Variants in SP3 observed in about 807,000 individuals in gnomAD.
SP3 encodes the protein Sp3 transcription factor.
A neutral mutation model predicts 70.3 loss-of-function variants in SP3; 10 were observed. The ratio of observed to expected loss-of-function variants is 0.14; its 90% CI spans 0.09 to 0.24. The LOEUF (loss-of-function observed/expected upper bound fraction) is 0.24, where lower values mean the gene tolerates loss of function less well. Among genes scored for constraint, SP3 ranks in the 10% least tolerant of loss-of-function variants. The probability of loss-of-function intolerance (pLI) is 1.00; values close to 1 mark genes in which losing one functional copy is unlikely to be tolerated. For synonymous variants in SP3, 402 were observed against 333.5 expected (o/e 1.21, Z -2.24); for missense variants, 825 against 914.6 (o/e 0.90, Z 1.26).
intron 4 of SP3, among the ~76,000 whole-genome samples, 200 bp downstream of exon 4, chr2:173,954,673 C>CATAATAGAAA (rs1690820930): frequency 6.6e-6 from 1 of 151,974 alleles, no homozygotes; most frequent in Non-Finnish European, 1.5e-5. Flanking sequence ...AACATGAATC[C>CATAATAGAAA]CTAACTTCAA....
chr2:173,942,081 T>C lies in SP3; in HGVS notation c.1639+12792A>G, dbSNP rs1310214056. Among the ~76,000 whole-genome samples, 3 of 152,238 alleles carry C rather than the reference T, an allele frequency of 2.0e-5. No homozygotes were observed. In the East Asian group the frequency reaches 5.8e-4, roughly 29 times the overall value. ...ATATGATTTCCCAAGTTCTTCTCTA[T>C]GTATATTCTTTCTCTACTAAGTTAG... On this transcript the variant is annotated intron_variant, in intron 4 of 6. Coordinates refer to ENST00000310015, the MANE Select transcript of SP3 (RefSeq NM_003111.5).
intron 1 of SP3, chr2:173,964,845 TCTCA>T (rs1691240944): frequency 2.1e-6 from 1 of 476,952 alleles, no homozygotes; most frequent in Non-Finnish European, 3.7e-6. Flanking sequence ...CGCCGCTCGC[TCTCA>T]CTCGCGCTCG....
intron 5 of SP3, chr2:173,916,076 T>G (rs1426104834): frequency 6.6e-6 from 1 of 152,090 alleles, no homozygotes; most frequent in East Asian, 1.9e-4. Context: ...TATGTTATGC[T>G]TCTATCAATT....
rs868149607 is a variant in SP3, at chr2:173,907,984, A to T, written c.*1957T>A. ...ACTGGGCCTGGAAAACAGAAAATGG[A>T]CATCTTTACCCCCACTGTATACATG... On this transcript the variant is annotated 3_prime_UTR_variant, in exon 7 of 7. Transcript: ENST00000310015. 16 of 152,218 alleles carry T rather than the reference A, an allele frequency of 1.1e-4. No homozygotes were observed. The highest frequency in any genetic ancestry group is 3.6e-4 in the African/African-American group (15 of 41,558). 9.4% of individuals were successfully genotyped at this position (152,218 alleles called of 1,614,324 possible). A position where few individuals can be genotyped will look rare whatever the true frequency, so the allele number is the denominator to read the frequency against.
chr2:173,964,258 G>A (rs2105510117), intron 2 of SP3, 147 bp downstream of exon 2: 1 of 510,952 alleles, frequency 2.0e-6, no homozygotes, highest in East Asian at 3.6e-5. Context: ...TGGCGCCTCG[G>A]GCGGGCAGCT....
chr2:173,956,611 T>G (rs891454962), intron 3 of SP3, among the ~76,000 whole-genome samples: 6 of 152,188 alleles, frequency 3.9e-5, no homozygotes, highest in Admixed American at 6.5e-5. Context: ...ATAAGCATAG[T>G]GTATTAAGTC....
rs972859013 is a variant in SP3, at chr2:173,913,607, C to T, written c.1833-341G>A. ...CCATTCACAAATTCTACGCATAAGC[C>T]TGATCCACTTAATTATATAGGAAAC... is the stretch of plus-strand genomic sequence containing the variant. On this transcript the variant is annotated intron_variant, in intron 5 of 6. Transcript: ENST00000310015. The T allele has an allele frequency of 2.5e-5, 4 of 159,348 alleles. No individual in the cohort carries two copies. The Admixed American group carries it at 2.6e-4, about 10-fold the overall frequency. 9.9% of individuals were successfully genotyped at this position (159,348 alleles called of 1,614,324 possible).
intron 4 of SP3, among the ~76,000 whole-genome samples, chr2:173,953,073 TAA>T (rs1267251344): frequency 6.6e-6 from 1 of 152,252 alleles, no homozygotes; most frequent in African/African-American, 2.4e-5. Flanking sequence ...TATTATTTTT[TAA>T]AAGACATGCA....
At chr2:173,924,788 G>A (rs1689862252) in intron 4 of SP3, among the ~76,000 whole-genome samples, 1 of 152,192 alleles carries the variant, frequency 6.6e-6, no homozygotes, top group Admixed American at 6.5e-5. Context: ...TAGCTTCCCT[G>A]TATATAAATA....
rs1405623609 is a variant in SP3, at chr2:173,906,362, G to C, written c.*3579C>G. The C allele has an allele frequency of 6.6e-6, 1 of 152,110 alleles. No individual in the cohort carries two copies. Among genetic ancestry groups the C allele is most frequent in the Non-Finnish European group, 1.5e-5 (1 of 68,016 alleles). 9.4% of individuals were successfully genotyped at this position (152,110 alleles called of 1,614,324 possible). A position where few individuals can be genotyped will look rare whatever the true frequency, so the allele number is the denominator to read the frequency against. ...TCAACACTAAATAAAATTATGAGGT[G>C]ATTTCACAAAAATATCAAATTTGTA... On this transcript the variant is annotated 3_prime_UTR_variant, in exon 7 of 7. Transcript: ENST00000310015.
chr2:173,938,459 C>CAAAAAAAAAAAAAAAAAA (rs747595137), intron 4 of SP3, among the ~76,000 whole-genome samples: 2 of 46,384 alleles, frequency 4.3e-5, no homozygotes, highest in African/African-American at 1.6e-4. Context: ...AACTTTGCCT[C>CAAAAAAAAAAAAAAAAAA]AAAAAAAAAA....
At chr2:173,964,083 C>A (rs1311097815) in intron 2 of SP3, 200 bp from the exon 3 acceptor site, 2 of 342,770 alleles carry the variant, frequency 5.8e-6, no homozygotes. Context: ...GCTCCAAGCA[C>A]CCCGGCTCCC....
At chr2:173,954,404 G>A (rs1352480493) in intron 4 of SP3, among the ~76,000 whole-genome samples, 5 of 152,106 alleles carry the variant, frequency 3.3e-5, no homozygotes, top group East Asian at 3.9e-4. Flanking sequence ...CTGAGTTTGC[G>A]AAAGAAAAAT....
chr2:173,946,339 G>A (rs1369523287), intron 4 of SP3, among the ~76,000 whole-genome samples: 1 of 151,280 alleles, frequency 6.6e-6, no homozygotes, highest in Non-Finnish European at 1.5e-5. Flanking sequence ...AAGAGATGGG[G>A]GTCTATCTTG....
chr2:173,962,610 A>C (rs2105507775), intron 3 of SP3, among the ~76,000 whole-genome samples: 1 of 152,332 alleles, frequency 6.6e-6, no homozygotes, highest in East Asian at 1.9e-4. Context: ...TAAAATTACA[A>C]ATTATTTACC....
chr2:173,955,809 G>C lies in SP3; in HGVS notation c.703C>G (p.Gln235Glu), dbSNP rs1385297342. 1 of 1,614,208 alleles carries C rather than the reference G, an allele frequency of 6.2e-7. No homozygotes were observed. The highest frequency in any genetic ancestry group is 1.7e-5 in the Admixed American group (1 of 60,028). Reference protein sequence around the residue: ...QNLIPQTGQVQVQGVAIGGSS... With the variant: ...QNLIPQTGQVEVQGVAIGGSS... ...CCACCAATTGCAACTCCCTGAACCT[G>C]GACTTGACCAGTCTGTGGTATGAGA... is the stretch of plus-strand genomic sequence containing the variant. Residue 235 changes from glutamine to glutamate, a missense_variant, in exon 4 of 7, where the codon CAG becomes GAG. Transcript: ENST00000310015.
Position 173,955,810 on chromosome 2 carries a change from G to A in SP3, c.702C>T (p.Val234=). Reference sequence around the variant, plus strand: ...CACCAATTGCAACTCCCTGAACCTGGACTTGACCAGTCTGTGGTATGAGAT... The same window carrying A: ...CACCAATTGCAACTCCCTGAACCTGAACTTGACCAGTCTGTGGTATGAGAT... ...IQNLIPQTGQ[V]QVQGVAIGGS... The change falls in exon 4 of 7, where the codon GTC becomes GTT. Residue 234 remains valine, a synonymous_variant. Coordinates refer to ENST00000310015, the MANE Select transcript of SP3 (RefSeq NM_003111.5). The A allele has an allele frequency of 1.9e-6, 3 of 1,614,204 alleles. No individual in the cohort carries two copies. The highest frequency in any genetic ancestry group is 2.2e-5 in the East Asian group (1 of 44,890).
intron 4 of SP3, among the ~76,000 whole-genome samples, chr2:173,923,337 A>C (rs1467037667): frequency 6.6e-6 from 1 of 152,102 alleles, no homozygotes; most frequent in Non-Finnish European, 1.5e-5. Flanking sequence ...GAAGAGAAAA[A>C]AACAGAAAAT....
At chr2:173,947,452 G>A (rs758454705) in intron 4 of SP3, among the ~76,000 whole-genome samples, 26 of 150,280 alleles carry the variant, frequency 1.7e-4, no homozygotes, top group Non-Finnish European at 5.9e-5. Context: ...TAAAAAAAAA[G>A]AGAGAGAAAC....
Sources: allele counts gnomAD v4.1 joint callset (sites outside exome capture counted in the v4.1 genomes callset), GRCh38; gene constraint gnomAD v4.1.1; transcripts MANE v1.5; gene names NCBI Gene and HGNC (gene_info 2026-07-23, HGNC 2026-07-21).